RALGAPB: variants seen among roughly 807,000 people sequenced by gnomAD.
The protein encoded by RALGAPB is ral GTPase-activating protein subunit beta.
RALGAPB carries 25 observed loss-of-function variants against 161.1 expected under a neutral mutation model. The ratio of observed to expected loss-of-function variants is 0.16; its 90% CI spans 0.11 to 0.22. The LOEUF (loss-of-function observed/expected upper bound fraction) is 0.22. RALGAPB is among the 10% of genes least tolerant of loss of function. The pLI, the probability that RALGAPB is intolerant of heterozygous loss-of-function variation, is 1.00. For missense variants in RALGAPB, 1,391 were observed against 1,815.2 expected (o/e 0.77, Z 4.25); for synonymous variants, 629 against 626.1 (o/e 1.00, Z -0.07).
intron 16 of RALGAPB, 72 bp from the exon 17 acceptor site, chr20:38,539,704 A>C: frequency 6.9e-7 from 1 of 1,449,244 alleles, no homozygotes; most frequent in Non-Finnish European, 9.5e-7. Flanking sequence ...GTCAAGCTTC[A>C]GTGCAAATGC....
intron 18 of RALGAPB, among the ~76,000 whole-genome samples, chr20:38,542,491 TA>T (rs143850076): frequency 0.033 from 5,060 of 151,218 alleles, 130 homozygotes; most frequent in African/African-American, 0.071. Flanking sequence ...GCTAGAAAAT[TA>T]AAAAAAAATG....
In RALGAPB at chr20:38,499,640, T is replaced by G. The variant is rs1222267920; in HGVS notation, c.740+7T>G. The G allele has an allele frequency of 1.2e-6, 2 of 1,606,724 alleles. No homozygotes were observed. Among genetic ancestry groups the G allele is most frequent in the South Asian group, 2.2e-5 (2 of 90,010 alleles). ...TTTGTGCACTCACTTCCAGGTAGGT[T>G]ATTGTCATTGCCCTGCCTTCCTTCA... On this transcript the variant is annotated splice_region_variant and intron_variant, in intron 5 of 29. Transcript: ENST00000262879.
chr20:38,490,384 A>ATTT (rs2085244897), intron 2 of RALGAPB, among the ~76,000 whole-genome samples: 1 of 137,322 alleles, frequency 7.3e-6, no homozygotes, highest in Admixed American at 7.2e-5. Context: ...AATTTTTTGT[A>ATTT]TTTTTAGTAG....
intron 20 of RALGAPB, among the ~76,000 whole-genome samples, chr20:38,550,598 T>G (rs2087343510): frequency 6.6e-6 from 1 of 152,220 alleles, no homozygotes; most frequent in Admixed American, 6.5e-5. Context: ...AAGCATGGAT[T>G]TGGAGCTGTG....
chr20:38,550,607 T>C (rs1487397685), intron 20 of RALGAPB, among the ~76,000 whole-genome samples: 1 of 152,222 alleles, frequency 6.6e-6, no homozygotes, highest in African/African-American at 2.4e-5. Context: ...TTTGGAGCTG[T>C]GAAGACCTAG....
At chr20:38,530,065 G>T (rs1450009838) in intron 13 of RALGAPB, among the ~76,000 whole-genome samples, 2 of 152,010 alleles carry the variant, frequency 1.3e-5, no homozygotes, top group Non-Finnish European at 2.9e-5. Context: ...ACTTCCTATG[G>T]GTCCCATGGC....
In RALGAPB at chr20:38,520,137, C is replaced by A. The variant is rs984782944; in HGVS notation, c.1418-1360C>A. 5 of 290,696 alleles carry A rather than the reference C, an allele frequency of 1.7e-5. No homozygotes were observed. The Admixed American group carries it at 2.6e-4, about 15-fold the overall frequency. The allele number at this position is 290,696 out of a possible 1,614,324, so 18.0% of individuals were successfully genotyped here. On this transcript the variant is annotated intron_variant, in intron 9 of 29. Coordinates refer to ENST00000262879, the MANE Select transcript of RALGAPB (RefSeq NM_020336.4). ...AGCTTTTAATTTAACTTTTAAAAAGCTAAAAAGCTTCTTAATTTATTGTAA... is the reference window on the plus strand; with the variant it reads ...AGCTTTTAATTTAACTTTTAAAAAGATAAAAAGCTTCTTAATTTATTGTAA...
At chr20:38,474,821 G>A (rs2084758096) in intron 1 of RALGAPB, among the ~76,000 whole-genome samples, 1 of 152,202 alleles carries the variant, frequency 6.6e-6, no homozygotes, top group Admixed American at 6.5e-5. Context: ...TTGACATACA[G>A]ACTCACAAAG....
intron 1 of RALGAPB, among the ~76,000 whole-genome samples, chr20:38,475,971 G>A (rs2084792025): frequency 6.6e-6 from 1 of 152,116 alleles, no homozygotes. Flanking sequence ...GTTCCGTTTT[G>A]TATTATTTGG....
rs528131938 is a variant in RALGAPB, at chr20:38,574,380, G to GA, written c.4291+85dup. On this transcript the variant is annotated intron_variant, in intron 29 of 29. Coordinates refer to ENST00000262879, the MANE Select transcript of RALGAPB (RefSeq NM_020336.4). Reference sequence around the variant, plus strand: ...TAAACCAAAAAGAAGTAAAAATAAGGAAATGGTGATAATTAATAGCTTCCA... The same window carrying GA: ...TAAACCAAAAAGAAGTAAAAATAAGGAAAATGGTGATAATTAATAGCTTCCA... 3,036 of 1,425,972 alleles carry GA rather than the reference G, an allele frequency of 2.1e-3. 6 individuals carry two copies. The highest frequency in any genetic ancestry group is 2.6e-3 in the Non-Finnish European group (2,768 of 1,060,802). The allele number at this position is 1,425,972 out of a possible 1,614,324, so 88.3% of individuals were successfully genotyped here. A position where few individuals can be genotyped will look rare whatever the true frequency, so the allele number is the denominator to read the frequency against.
At position 38,521,490 on chromosome 20, in the gene RALGAPB, TC is replaced by T. The variant is rs1751813067; in HGVS notation, c.1418-3del. 6.2e-7 allele frequency: 1 copy of T among 1,613,720 alleles called. No homozygotes were observed. Among genetic ancestry groups the T allele is most frequent in the Admixed American group, 1.7e-5 (1 of 59,968 alleles). ...AATATAATAAAACCCTCCTTTTCTCTCCCCAGCCATTACAACACAAGCTAGC... is the reference window on the plus strand; with the variant it reads ...AATATAATAAAACCCTCCTTTTCTCTCCCAGCCATTACAACACAAGCTAGC... On this transcript the variant is annotated splice_polypyrimidine_tract_variant and splice_region_variant and intron_variant, in intron 9 of 29. Transcript: ENST00000262879.
At chr20:38,570,678 CT>C (rs1004754947) in intron 27 of RALGAPB, 90 bp from the exon 28 acceptor site, 23 of 780,990 alleles carry the variant, frequency 2.9e-5, no homozygotes, top group Middle Eastern at 4.8e-4. Context: ...TTGCCACTCA[CT>C]TATGTAAAGC....
chr20:38,488,354 T>A, intron 1 of RALGAPB, 49 bp from the exon 2 acceptor site: 1 of 1,198,892 alleles, frequency 8.3e-7, no homozygotes, highest in Non-Finnish European at 1.2e-6. Context: ...TTATTTCTGT[T>A]AATTTCCAAT....
At chr20:38,560,850 T>G (rs1335539263) in intron 23 of RALGAPB, among the ~76,000 whole-genome samples, 1 of 152,258 alleles carries the variant, frequency 6.6e-6, no homozygotes, top group Non-Finnish European at 1.5e-5. Context: ...GCAAGTGGCA[T>G]GAAAGTTGAA....
chr20:38,505,080 A>G (rs2085719524), intron 5 of RALGAPB, among the ~76,000 whole-genome samples: 1 of 152,204 alleles, frequency 6.6e-6, no homozygotes. Flanking sequence ...ATTGCTGGGT[A>G]TATATCCAAA....
chr20:38,522,082 C>T (rs1170328456), intron 10 of RALGAPB, among the ~76,000 whole-genome samples: 1 of 152,216 alleles, frequency 6.6e-6, no homozygotes, highest in Non-Finnish European at 1.5e-5. Context: ...GCCGTGTACA[C>T]ATGTAACAAT....
At chr20:38,516,057 G>A (rs1274799137) in intron 6 of RALGAPB, 135 bp from the exon 7 acceptor site, 2 of 619,892 alleles carry the variant, frequency 3.2e-6, no homozygotes, top group East Asian at 6.1e-5. Context: ...TGAATCGCTG[G>A]CCCATTAAAT....
intron 16 of RALGAPB, among the ~76,000 whole-genome samples, chr20:38,538,756 A>T (rs997084565): frequency 6.6e-6 from 1 of 152,204 alleles, no homozygotes; most frequent in African/African-American, 2.4e-5. Flanking sequence ...AATATAAAAG[A>T]CTGGTCATAC....
At chr20:38,488,247 A>ATTG (rs2085176087) in intron 1 of RALGAPB, among the ~76,000 whole-genome samples, 156 bp from the exon 2 acceptor site, 1 of 152,214 alleles carries the variant, frequency 6.6e-6, no homozygotes, top group Non-Finnish European at 1.5e-5. Flanking sequence ...TTTGAAAAAC[A>ATTG]TTGATAGTTT....
Sources: allele counts gnomAD v4.1 joint callset (sites outside exome capture counted in the v4.1 genomes callset), GRCh38; gene constraint gnomAD v4.1.1; transcripts MANE v1.5; gene names NCBI Gene and HGNC (gene_info 2026-07-23, HGNC 2026-07-21).